Variants in ADGRL2 observed in about 807,000 individuals in gnomAD.
ADGRL2 encodes the protein calcium-independent alpha-latrotoxin receptor 2.
A neutral mutation model predicts 157.4 loss-of-function variants in ADGRL2; 44 were observed. The ratio of observed to expected loss-of-function variants is 0.28; its 90% CI spans 0.22 to 0.36. The LOEUF (loss-of-function observed/expected upper bound fraction) is 0.36. Among genes scored for constraint, ADGRL2 ranks in the 10% least tolerant of loss-of-function variants. The pLI is 1.00. For synonymous variants in ADGRL2, 585 were observed against 624.7 expected, an observed-to-expected ratio of 0.94 and a Z score of 0.95; for missense variants, 1,510 against 1,768.9, an observed-to-expected ratio of 0.85 and a Z score of 2.63.
intron 2 of ADGRL2, among the ~76,000 whole-genome samples, chr1:81,580,155 C>T (rs902238228): frequency 2.6e-5 from 4 of 152,048 alleles, no homozygotes; most frequent in African/African-American, 9.7e-5. Context: ...ATAGAGAAGC[C>T]GTAATCCACT....
rs1377885779 is a variant in ADGRL2, at chr1:81,955,953, A to G, written c.1910A>G (p.Gln637Arg). Residue 637 changes from glutamine (Q) to arginine (R), a missense_variant, in exon 11 of 24, where the codon CAA becomes CGA. By Grantham distance (43) the Gln-to-Arg change is conservative. Coordinates refer to ENST00000686636, the MANE Select transcript of ADGRL2 (RefSeq NM_001366006.2). ...ESWKHMNSSE[Q>R]AHTATMLLDT... Reference sequence around the variant, plus strand: ...TGGAAACATATGAATTCTTCTGAACAAGCACATACTGCAACAATGTTACTC... The same window carrying G: ...TGGAAACATATGAATTCTTCTGAACGAGCACATACTGCAACAATGTTACTC... The G allele has an allele frequency of 1.2e-6, 2 of 1,610,372 alleles. No homozygotes were observed. Among genetic ancestry groups the G allele is most frequent in the South Asian group, 1.1e-5 (1 of 90,338 alleles).
intron 1 of ADGRL2, among the ~76,000 whole-genome samples, chr1:81,403,238 TG>T (rs762429931): frequency 0.41 from 38,948 of 95,870 alleles, 6,001 homozygotes; most frequent in Non-Finnish European, 0.56. Flanking sequence ...GTTTTTTTTT[TG>T]TTGTTGTTTG....
chr1:81,528,524 G>T (rs985186350), intron 2 of ADGRL2, among the ~76,000 whole-genome samples: 1 of 151,962 alleles, frequency 6.6e-6, no homozygotes, highest in African/African-American at 2.4e-5. Flanking sequence ...GCAGGCGCCT[G>T]TAGTCTCAGC....
At chr1:81,549,685 A>C (rs1231859673) in intron 2 of ADGRL2, among the ~76,000 whole-genome samples, 1 of 152,226 alleles carries the variant, frequency 6.6e-6, no homozygotes, top group Non-Finnish European at 1.5e-5. Context: ...AAAGCATAAC[A>C]TGTAAACAAG....
At chr1:81,853,825 A>G (rs2093106160) in intron 2 of ADGRL2, among the ~76,000 whole-genome samples, 1 of 152,110 alleles carries the variant, frequency 6.6e-6, no homozygotes, top group South Asian at 2.1e-4. Flanking sequence ...AACAAAATTG[A>G]GAATTTTATG....
chr1:81,840,558 G>A (rs2092530888), intron 2 of ADGRL2, among the ~76,000 whole-genome samples: 1 of 151,952 alleles, frequency 6.6e-6, no homozygotes, highest in Non-Finnish European at 1.5e-5. Context: ...GTTTGAACAT[G>A]GCAAAAGCTA....
chr1:81,745,554 C>G (rs185663778), intron 1 of ADGRL2, among the ~76,000 whole-genome samples: 1 of 152,052 alleles, frequency 6.6e-6, no homozygotes, highest in African/African-American at 2.4e-5. Flanking sequence ...GAAAACAGAG[C>G]CCAGCTGTTA....
intron 3 of ADGRL2, among the ~76,000 whole-genome samples, chr1:81,646,663 G>A (rs1242495332): frequency 6.6e-6 from 1 of 152,140 alleles, no homozygotes; most frequent in African/African-American, 2.4e-5. Flanking sequence ...CAGTTTATGT[G>A]TGGAATCAGA....
chr1:81,433,001 T>A (rs1474235139), intron 1 of ADGRL2, among the ~76,000 whole-genome samples: 2 of 152,166 alleles, frequency 1.3e-5, no homozygotes, highest in Non-Finnish European at 2.9e-5. Context: ...CCTGTAGTTA[T>A]GTGTCCTTCC....
chr1:81,377,032 AT>A (rs890219845), intron 1 of ADGRL2, among the ~76,000 whole-genome samples: 33 of 151,926 alleles, frequency 2.2e-4, no homozygotes, highest in African/African-American at 7.0e-4. Flanking sequence ...TCCAAAAAAA[AT>A]TTTTTTTTAA....
At chr1:81,708,151 C>G (rs1201105118) in intron 1 of ADGRL2, among the ~76,000 whole-genome samples, 1 of 152,170 alleles carries the variant, frequency 6.6e-6, no homozygotes, top group Non-Finnish European at 1.5e-5. Flanking sequence ...CATACACACA[C>G]ATTCTAAAGC....
At chr1:81,681,031 A>T (rs2083101884) in intron 3 of ADGRL2, among the ~76,000 whole-genome samples, 1 of 152,218 alleles carries the variant, frequency 6.6e-6, no homozygotes, top group Non-Finnish European at 1.5e-5. Flanking sequence ...AGTAAGACCT[A>T]GGAAAGTAAT....
At chr1:81,519,519 A>G (rs2079261496) in intron 2 of ADGRL2, among the ~76,000 whole-genome samples, 1 of 152,256 alleles carries the variant, frequency 6.6e-6, no homozygotes, top group South Asian at 2.1e-4. Flanking sequence ...TAATAGCCAA[A>G]GAAGCAACAA....
In ADGRL2 at chr1:81,993,087, A is replaced by ATATATT. The variant is rs1441283966; in HGVS notation, c.*1943_*1944insATATTT. On this transcript the variant is annotated 3_prime_UTR_variant, in exon 24 of 24. Coordinates refer to ENST00000686636, the MANE Select transcript of ADGRL2 (RefSeq NM_001366006.2). ...TATATATATATATATATATATATATATTTTTTTTTTTTTTTTTTTTTTTTT... is the reference window on the plus strand; with the variant it reads ...TATATATATATATATATATATATATATATATTTTTTTTTTTTTTTTTTTTTTTTTTT... Among the ~76,000 whole-genome samples the ATATATT allele has an allele frequency of 6.5e-4, 19 of 29,194 alleles. No homozygotes were observed. The highest frequency in any genetic ancestry group is 1.9e-3 in the African/African-American group (11 of 5,762). The allele number at this position is 29,194 out of a possible 152,430, so 19.2% of individuals were successfully genotyped here. A position where few individuals can be genotyped will look rare whatever the true frequency, so the allele number is the denominator to read the frequency against.
intron 2 of ADGRL2, among the ~76,000 whole-genome samples, chr1:81,492,508 C>T (rs2078654479): frequency 6.6e-6 from 1 of 152,080 alleles, no homozygotes; most frequent in East Asian, 1.9e-4. Flanking sequence ...AAAAGAAATG[C>T]TTAGATTATT....
At chr1:81,533,587 G>T (rs1234088956) in intron 2 of ADGRL2, among the ~76,000 whole-genome samples, 1 of 151,818 alleles carries the variant, frequency 6.6e-6, no homozygotes, top group East Asian at 1.9e-4. Context: ...TATACTTAAG[G>T]GTCCTTTAAT....
rs2085323975 is a variant in ADGRL2 at position 81,747,235 on chromosome 1, A to ATGTGTG, written c.-142-14575_-142-14574insGTGTGT. Among the ~76,000 whole-genome samples the ATGTGTG allele has an allele frequency of 4.8e-5, 7 of 146,696 alleles. No individual in the cohort carries two copies. The South Asian group carries it at 1.3e-3, about 27-fold the overall frequency. Reference sequence around the variant, plus strand: ...TATGTGTGTATATATGTATATATACATATATATGTATATGTGTGTATATAT... The same window carrying ATGTGTG: ...TATGTGTGTATATATGTATATATACATGTGTGTATATATGTATATGTGTGTATATAT... On this transcript the variant is annotated intron_variant, in intron 1 of 20. Coordinates refer to the ADGRL2 transcript ENST00000359929.
At chr1:81,689,412 C>G (rs1034531327) in intron 3 of ADGRL2, among the ~76,000 whole-genome samples, 1 of 152,166 alleles carries the variant, frequency 6.6e-6, no homozygotes, top group East Asian at 1.9e-4. Context: ...GACTCAGTCT[C>G]TCTCCTTAAG....
At chr1:81,591,150 T>A (rs1185461659) in intron 3 of ADGRL2, among the ~76,000 whole-genome samples, 6 of 152,188 alleles carry the variant, frequency 3.9e-5, no homozygotes, top group Admixed American at 3.9e-4. Flanking sequence ...ATCTGCCTCA[T>A]TTGAAACCTT....
Sources: gnomAD v4.1 joint callset for allele counts (sites outside exome capture counted in the v4.1 genomes callset) on GRCh38, gnomAD v4.1.1 for gene constraint, MANE v1.5 for transcripts, NCBI Gene and HGNC (gene_info 2026-07-23, HGNC 2026-07-21) for gene names.